GNAQ: variants seen among roughly 807,000 people sequenced by gnomAD.
The protein encoded by GNAQ is guanine nucleotide-binding protein G(q) subunit alpha.
A neutral mutation model predicts 43.9 loss-of-function variants in GNAQ; 8 were observed. The ratio of observed to expected loss-of-function variants is 0.18; its 90% CI spans 0.11 to 0.33. GNAQ has a LOEUF of 0.33. Among genes scored for constraint, GNAQ ranks in the 10% least tolerant of loss-of-function variants. GNAQ has a pLI of 1.00. For missense variants in GNAQ, 158 were observed against 450.8 expected (o/e 0.35, Z 5.88); for synonymous variants, 155 against 170.7 (o/e 0.91, Z 0.71).
intron 1 of GNAQ, among the ~76,000 whole-genome samples, chr9:77,991,903 C>A (rs1823512495): frequency 6.6e-6 from 1 of 152,198 alleles, no homozygotes. Context: ...TTACTTTGTT[C>A]CATTTTATGG....
intron 5 of GNAQ, among the ~76,000 whole-genome samples, chr9:77,783,696 T>TTA (rs1174535605): frequency 6.6e-6 from 1 of 152,224 alleles, no homozygotes; most frequent in African/African-American, 2.4e-5. Context: ...AGAGGCAGGA[T>TTA]ACTAGCACTT....
intron 2 of GNAQ, among the ~76,000 whole-genome samples, chr9:77,870,139 C>T (rs1587376462): frequency 1.3e-5 from 2 of 152,176 alleles, no homozygotes; most frequent in East Asian, 1.9e-4. Flanking sequence ...GTTTTCAACA[C>T]TGAGACAAAA....
chr9:77,805,028 T>C (rs1826804549), intron 3 of GNAQ, among the ~76,000 whole-genome samples: 1 of 151,986 alleles, frequency 6.6e-6, no homozygotes. Context: ...GTGCAGTTGC[T>C]ATATGACCAC....
At chr9:78,009,817 T>C (rs1051665561) in intron 1 of GNAQ, among the ~76,000 whole-genome samples, 8 of 151,840 alleles carry the variant, frequency 5.3e-5, no homozygotes, top group African/African-American at 1.9e-4. Context: ...ACTCTCAGAA[T>C]TGAAAAAAAA....
chr9:77,728,223 G>A (rs2118216053), intron 6 of GNAQ, among the ~76,000 whole-genome samples: 1 of 152,266 alleles, frequency 6.6e-6, no homozygotes, highest in South Asian at 2.1e-4. Flanking sequence ...TCGATCGCTT[G>A]ACCTCGTGAT....
At chr9:77,743,189 C>T (rs940115794) in intron 5 of GNAQ, among the ~76,000 whole-genome samples, 2 of 152,080 alleles carry the variant, frequency 1.3e-5, no homozygotes, top group African/African-American at 4.8e-5. Context: ...ACCCGGGAGG[C>T]GGAGGTTGCA....
intron 2 of GNAQ, among the ~76,000 whole-genome samples, chr9:77,852,029 G>A (rs887233398): frequency 1.3e-5 from 2 of 152,172 alleles, no homozygotes; most frequent in Admixed American, 6.5e-5. Context: ...ACAAGATTCT[G>A]CTGAAGATTA....
At chr9:77,895,197 CAA>C (rs35874480) in intron 2 of GNAQ, among the ~76,000 whole-genome samples, 54 of 115,534 alleles carry the variant, frequency 4.7e-4, no homozygotes, top group Non-Finnish European at 4.8e-4. Flanking sequence ...GACTCCATCT[CAA>C]AAAAAAAAAA....
chr9:77,869,573 T>G (rs1828003521), intron 2 of GNAQ, among the ~76,000 whole-genome samples: 3 of 152,198 alleles, frequency 2.0e-5, no homozygotes, highest in Admixed American at 2.0e-4. Flanking sequence ...GAGACCTTCC[T>G]AAATACTACT....
intron 2 of GNAQ, among the ~76,000 whole-genome samples, chr9:77,859,423 A>T (rs1827809531): frequency 1.3e-5 from 2 of 152,224 alleles, no homozygotes; most frequent in South Asian, 2.1e-4. Flanking sequence ...CTACATTTAG[A>T]TCCACATATC....
chr9:77,794,817 C>T (rs1377130327), intron 4 of GNAQ, among the ~76,000 whole-genome samples: 3 of 151,974 alleles, frequency 2.0e-5, no homozygotes, highest in Admixed American at 6.6e-5. Context: ...AAGAAAGTTA[C>T]CAGTGTGTAC....
intron 2 of GNAQ, among the ~76,000 whole-genome samples, chr9:77,902,310 GA>G (rs1457742290): frequency 1.3e-5 from 2 of 152,142 alleles, no homozygotes; most frequent in Non-Finnish European, 1.5e-5. Context: ...ATCTGATGAA[GA>G]ATATCATTTT....
intron 1 of GNAQ, among the ~76,000 whole-genome samples, chr9:77,968,395 A>G (rs1823195459): frequency 6.6e-6 from 1 of 152,210 alleles, no homozygotes; most frequent in Non-Finnish European, 1.5e-5. Flanking sequence ...ATCAAAAACT[A>G]AAGATTTCCT....
At chr9:77,738,041 C>A (rs1035048029) in intron 5 of GNAQ, among the ~76,000 whole-genome samples, 1 of 152,104 alleles carries the variant, frequency 6.6e-6, no homozygotes, top group African/African-American at 2.4e-5. Context: ...CTCCAGGGCA[C>A]AAGTGAAGGC....
At chr9:77,921,344 A>G (rs1828993845) in intron 2 of GNAQ, among the ~76,000 whole-genome samples, 1 of 152,238 alleles carries the variant, frequency 6.6e-6, no homozygotes. Context: ...CCTGCCTACA[A>G]GCTTTATGTA....
At chr9:77,899,660 G>A (rs554884889) in intron 2 of GNAQ, among the ~76,000 whole-genome samples, 1 of 152,076 alleles carries the variant, frequency 6.6e-6, no homozygotes, top group African/African-American at 2.4e-5. Flanking sequence ...TGGGTGGCAC[G>A]TGCAAAGGCA....
chr9:77,791,506 G>A (rs1279142363), intron 5 of GNAQ, among the ~76,000 whole-genome samples: 15 of 152,068 alleles, frequency 9.9e-5, no homozygotes, highest in Admixed American at 9.8e-4. Context: ...AAGGGAATAC[G>A]CAAATCAACA....
chr9:78,010,538 G>C (rs1205343697), intron 1 of GNAQ, among the ~76,000 whole-genome samples: 1 of 152,100 alleles, frequency 6.6e-6, no homozygotes, highest in East Asian at 1.9e-4. Flanking sequence ...ATTCTTAACT[G>C]AGATTCTATA....
At chr9:77,975,874 A>G (rs1348808520) in intron 1 of GNAQ, among the ~76,000 whole-genome samples, 1 of 152,144 alleles carries the variant, frequency 6.6e-6, no homozygotes, top group Non-Finnish European at 1.5e-5. Context: ...CAGGAAGAAC[A>G]ATCCTATAAA....
Sources: gnomAD v4.1 joint callset for allele counts (sites outside exome capture counted in the v4.1 genomes callset) on GRCh38, gnomAD v4.1.1 for gene constraint, MANE v1.5 for transcripts, NCBI Gene and HGNC (gene_info 2026-07-23, HGNC 2026-07-21) for gene names.